RAVER1: variants seen among roughly 807,000 people sequenced by gnomAD.
RAVER1 encodes the protein ribonucleoprotein PTB-binding 1.
In RAVER1, 36 loss-of-function variants were observed where a neutral mutation model predicts 68.4. That is an observed-to-expected ratio of 0.53 (90% CI 0.40 to 0.70). RAVER1 has a LOEUF of 0.70. Ranked by LOEUF, RAVER1 falls within the 30% of genes least tolerant of loss-of-function variation. RAVER1 has a pLI of 0.00. For synonymous variants in RAVER1, 469 were observed against 472.7 expected, an observed-to-expected ratio of 0.99 and a Z score of 0.10; for missense variants, 933 against 1,019.8, an observed-to-expected ratio of 0.91 and a Z score of 1.16.
At chr19:10,331,780 T>A (rs2040520706) in intron 1 of RAVER1, among the ~76,000 whole-genome samples, 1 of 151,710 alleles carries the variant, frequency 6.6e-6, no homozygotes, top group Non-Finnish European at 1.5e-5. Context: ...CCAACAACTC[T>A]GTAAGTGAAG....
chr19:10,319,195 G>A lies in RAVER1; in HGVS notation c.1816C>T (p.Leu606Phe), dbSNP rs2040416181. The A allele has an allele frequency of 6.2e-7, 1 of 1,613,772 alleles. No homozygotes were observed. Among genetic ancestry groups the A allele is most frequent in the African/African-American group, 1.3e-5 (1 of 74,950 alleles). ...RLFSHPREPALGPHGPSRHKM... is the reference protein window; with the variant it reads ...RLFSHPREPAFGPHGPSRHKM... ...TGTCGGCTGGGTCCGTGAGGCCCAA[G>A]GGCTGGTTCCCGTGGGTGGGAGAAG... Residue 606 changes from leucine (L) to phenylalanine (F), a missense_variant, in exon 10 of 13, where the codon CTT (leucine) becomes TTT (phenylalanine). Around this residue, in one of 3 missense-constraint regions of RAVER1, gnomAD observed 699 missense variants for 731.1 expected, o/e 0.96. Coordinates refer to ENST00000617231, the MANE Select transcript of RAVER1 (RefSeq NM_133452.3).
intron 1 of RAVER1, among the ~76,000 whole-genome samples, chr19:10,331,363 A>AT (rs1269088987): frequency 4.1e-5 from 5 of 123,012 alleles, no homozygotes; most frequent in Non-Finnish European, 6.8e-5. Flanking sequence ...TCTCAAAAAA[A>AT]AAAAAAAAAA....
chr19:10,331,306 C>T (rs1327481624), intron 1 of RAVER1, among the ~76,000 whole-genome samples: 2 of 127,034 alleles, frequency 1.6e-5, no homozygotes, highest in Admixed American at 9.4e-5. Context: ...GCCGAGATTG[C>T]GCCACTGCAG....
chr19:10,324,822 C>T (rs936788889), intron 3 of RAVER1, among the ~76,000 whole-genome samples: 4 of 152,200 alleles, frequency 2.6e-5, no homozygotes, highest in Non-Finnish European at 4.4e-5. Context: ...TCAGCTGGGT[C>T]ACCTAACATT....
In RAVER1 at chr19:10,333,309, G is replaced by A. The variant is rs1379750454; in HGVS notation, c.199C>T (p.Pro67Ser). The A allele has an allele frequency of 6.2e-7, 1 of 1,613,626 alleles. No homozygotes were observed. The highest frequency in any genetic ancestry group is 8.5e-7 in the Non-Finnish European group (1 of 1,179,740). Reference sequence around the variant, plus strand: ...AATACCTGGTTGGTCACGTCCCCCGGGAGGCCCCGGATCAGTATCTTGCGG... The same window carrying A: ...AATACCTGGTTGGTCACGTCCCCCGAGAGGCCCCGGATCAGTATCTTGCGG... ...NRRKILIRGLPGDVTNQEVHD... is the reference protein window; with the variant it reads ...NRRKILIRGLSGDVTNQEVHD... The change falls in exon 1 of 13, where the codon CCG becomes TCG. Residue 67 changes from proline to serine, a missense_variant. By Grantham distance (74) the Pro-to-Ser change is moderately conservative. This residue lies in a region of RAVER1 where 211 missense variants were observed against 230.0 expected (regional missense o/e 0.92). Transcript: ENST00000617231. The surrounding 1 kb of genome is among the most constrained non-coding windows in gnomAD (Gnocchi z 4.2).
At position 10,318,362 on chromosome 19, in the gene RAVER1, G is replaced by A. The variant is rs550451618; in HGVS notation, c.1856C>T (p.Pro619Leu). The part of the protein sequence containing the change: ...HGPSRHKMSP[P>L]PSGFGERSSG... The stretch of plus-strand genomic sequence containing the variant: ...GCTCCGTTCGCCGAAGCCACTGGGC[G>A]GGGGGGACATCTGTAGAAGAAGGGC... The change falls in exon 11 of 13, where the codon CCG (proline) becomes CTG (leucine). Residue 619 changes from proline (P) to leucine (L), a missense_variant. Physicochemically the swap from Pro to Leu is moderately conservative, Grantham distance 98. This residue lies in a region of RAVER1 where 699 missense variants were observed against 731.1 expected (regional missense o/e 0.96). Coordinates refer to ENST00000617231, the MANE Select transcript of RAVER1 (RefSeq NM_133452.3). 39 of 1,591,732 alleles carry A rather than the reference G, an allele frequency of 2.5e-5. No individual in the cohort carries two copies. The highest frequency in any genetic ancestry group is 6.9e-5 in the East Asian group (3 of 43,620).
chr19:10,318,626 C>T (rs1309344707), intron 10 of RAVER1, among the ~76,000 whole-genome samples: 1 of 152,200 alleles, frequency 6.6e-6, no homozygotes, highest in African/African-American at 2.4e-5. Flanking sequence ...TCCCAAAGTG[C>T]TGGGATTACA....
At chr19:10,325,633 T>G (rs1415561159) in intron 3 of RAVER1, among the ~76,000 whole-genome samples, 2 of 152,118 alleles carry the variant, frequency 1.3e-5, no homozygotes, top group East Asian at 3.9e-4. Context: ...TGAGCCACTG[T>G]GCCCGGCCTC....
rs927715130 is a variant in RAVER1, at chr19:10,317,312, G to A, written c.*142C>T. On this transcript the variant is annotated 3_prime_UTR_variant, in exon 13 of 13. Coordinates refer to ENST00000617231, the MANE Select transcript of RAVER1 (RefSeq NM_133452.3). The surrounding 1 kb of genome is among the most constrained non-coding windows in gnomAD (Gnocchi z 4.3). Reference sequence around the variant, plus strand: ...ACACCCCTTGGGCTCCTGGGGCTCCGGCTGATTGGTCAGTAAAGTCTTTCA... The same window carrying A: ...ACACCCCTTGGGCTCCTGGGGCTCCAGCTGATTGGTCAGTAAAGTCTTTCA... 23 of 916,718 alleles carry A rather than the reference G, an allele frequency of 2.5e-5. No homozygotes were observed. Among genetic ancestry groups the A allele is most frequent in the Middle Eastern group, 2.5e-4 (1 of 4,068 alleles). 56.8% of individuals were successfully genotyped at this position (916,718 alleles called of 1,614,324 possible). A position where few individuals can be genotyped will look rare whatever the true frequency, so the allele number is the denominator to read the frequency against.
rs751963862 is a variant in RAVER1 at position 10,330,464 on chromosome 19, C to T, written c.282G>A (p.Gly94=). ...CCGCCCCATGGCCCCACAAACCTGT[C>T]CCTTTGTATTTGTCCACAAAACAGT... ...LKYCFVDKYK[G]TAFVTLLNGE... The change falls in exon 2 of 13, where the codon GGG becomes GGA. Residue 94 remains glycine (G), a synonymous_variant. Transcript: ENST00000617231. The T allele has an allele frequency of 6.7e-7, 1 of 1,497,888 alleles. No individual in the cohort carries two copies. Among genetic ancestry groups the T allele is most frequent in the South Asian group, 1.2e-5 (1 of 84,130 alleles). 92.8% of individuals were successfully genotyped at this position (1,497,888 alleles called of 1,614,324 possible).
Position 10,333,187 on chromosome 19 carries a change from C to T in RAVER1, c.219+102G>A. ...TGGATCCGGTGCTTGGGCGCCCCCG[C>T]CAACGACCCCCGCGCACCTCAGCGT... On this transcript the variant is annotated intron_variant, in intron 1 of 12. Transcript: ENST00000617231. The surrounding 1 kb of genome is among the most constrained non-coding windows in gnomAD (Gnocchi z 4.2). 2 of 1,231,692 alleles carry T rather than the reference C, an allele frequency of 1.6e-6. No individual in the cohort carries two copies. Among genetic ancestry groups the T allele is most frequent in the Admixed American group, 5.1e-5 (2 of 39,154 alleles). The allele number at this position is 1,231,692 out of a possible 1,614,324, so 76.3% of individuals were successfully genotyped here.
Position 10,333,436 on chromosome 19 carries a change from G to A in RAVER1, c.72C>T (p.Gly24=), listed in dbSNP as rs561755740. 5 of 1,613,056 alleles carry A rather than the reference G, an allele frequency of 3.1e-6. No homozygotes were observed. Among genetic ancestry groups the A allele is most frequent in the Admixed American group, 1.7e-5 (1 of 60,026 alleles). ...SPKSGAEVEA[G]DAAERRAPEE... ...CCGGCGCCCGGCGCTCCGCGGCATC[G>A]CCGGCTTCGACTTCGGCCCCAGACT... Residue 24 remains glycine, a synonymous_variant, in exon 1 of 13, where the codon GGC becomes GGT. Transcript: ENST00000617231. This position sits in a 1 kb window ranked among gnomAD's most constrained non-coding sequence, Gnocchi z 4.2.
Position 10,321,230 on chromosome 19 carries a change from G to T in RAVER1, c.1291C>A (p.Arg431=). ...GGGLPPELPP[R]RGKPPPLLPS... is the part of the protein sequence containing the mutation. ...AGCAGGGGTGGTGGCTTCCCTCGCC[G>T]GGGCGGCAGCTCCGGGGGCAGGCCC... is the stretch of plus-strand genomic sequence containing the variant. Residue 431 remains arginine, a synonymous_variant, in exon 8 of 13, where the codon CGG becomes AGG. Coordinates refer to ENST00000617231, the MANE Select transcript of RAVER1 (RefSeq NM_133452.3). 1 of 1,271,702 alleles carries T rather than the reference G, an allele frequency of 7.9e-7. No individual in the cohort carries two copies. Among genetic ancestry groups the T allele is most frequent in the South Asian group, 3.2e-5 (1 of 31,336 alleles). The allele number at this position is 1,271,702 out of a possible 1,614,324, so 78.8% of individuals were successfully genotyped here.
rs2040386762 is a variant in RAVER1, at chr19:10,316,269, C to G, written c.*1185G>C. On this transcript the variant is annotated 3_prime_UTR_variant, in exon 13 of 13. Transcript: ENST00000617231. The stretch of plus-strand genomic sequence containing the variant: ...TTCAGCAAAGGTCCGTGTGGGGAGA[C>G]TGGGGTGGGGTCGGGGGAATAGTCC... 3.1e-6 allele frequency: 4 copies of G among 1,292,916 alleles called. No homozygotes were observed. The highest frequency in any genetic ancestry group is 3.9e-6 in the Non-Finnish European group (4 of 1,021,912). The allele number at this position is 1,292,916 out of a possible 1,614,324, so 80.1% of individuals were successfully genotyped here.
At position 10,333,471 on chromosome 19, in the gene RAVER1, G is replaced by A. The variant is rs1406777561; in HGVS notation, c.37C>T (p.Leu13=). 6.2e-7 allele frequency: 1 copy of A among 1,610,404 alleles called. No homozygotes were observed. Among genetic ancestry groups the A allele is most frequent in the Admixed American group, 1.7e-5 (1 of 59,958 alleles). Residue 13 remains leucine (L), a synonymous_variant, in exon 1 of 13, where the codon CTG becomes TTG. Coordinates refer to ENST00000617231, the MANE Select transcript of RAVER1 (RefSeq NM_133452.3). This position sits in a 1 kb window ranked among gnomAD's most constrained non-coding sequence, Gnocchi z 4.2. ...ADVSVTHRPP[L]SPKSGAEVEA... ...ACTTCGGCCCCAGACTTAGGGCTCA[G>A]CGGGGGCCGGTGAGTAACGGACACG...
rs1292076344 is a variant in RAVER1 at position 10,322,870 on chromosome 19, T to C, written c.1079-131A>G. 9 of 572,186 alleles carry C rather than the reference T, an allele frequency of 1.6e-5. No homozygotes were observed. Among genetic ancestry groups the C allele is most frequent in the Admixed American group, 7.6e-5 (2 of 26,202 alleles). 35.4% of individuals were successfully genotyped at this position (572,186 alleles called of 1,614,324 possible). A position where few individuals can be genotyped will look rare whatever the true frequency, so the allele number is the denominator to read the frequency against. On this transcript the variant is annotated intron_variant, in intron 5 of 12. Coordinates refer to ENST00000617231, the MANE Select transcript of RAVER1 (RefSeq NM_133452.3). This position sits in a 1 kb window ranked among gnomAD's most constrained non-coding sequence, Gnocchi z 4.3. ...GGGGCCGGGGGGTGGGCAGTGGACT[T>C]GCCCAAAGGAAGGGCCTAGAAGGGG...
chr19:10,328,024 C>T lies in RAVER1; in HGVS notation c.756+618G>A, dbSNP rs1235265889. Among the ~76,000 whole-genome samples the T allele has an allele frequency of 6.6e-6, 1 of 152,172 alleles. No individual in the cohort carries two copies. The highest frequency in any genetic ancestry group is 1.5e-5 in the Non-Finnish European group (1 of 68,024). Reference sequence around the variant, plus strand: ...TGCAGATCAGAGAGCCAGTGACTGGCCCGAGCTCGAGGGCGGGGCTGGGAT... The same window carrying T: ...TGCAGATCAGAGAGCCAGTGACTGGTCCGAGCTCGAGGGCGGGGCTGGGAT... On this transcript the variant is annotated intron_variant, in intron 3 of 12. Transcript: ENST00000617231. This position sits in a 1 kb window ranked among gnomAD's most constrained non-coding sequence, Gnocchi z 4.4.
At position 10,316,412 on chromosome 19, in the gene RAVER1, G is replaced by GTT; in HGVS notation, c.*1040_*1041dup. 9.7e-7 allele frequency: 1 copy of GTT among 1,029,072 alleles called. No homozygotes were observed. The allele number at this position is 1,029,072 out of a possible 1,614,324, so 63.7% of individuals were successfully genotyped here. On this transcript the variant is annotated 3_prime_UTR_variant, in exon 13 of 13. Transcript: ENST00000617231. The stretch of plus-strand genomic sequence containing the variant: ...GGTCCTGCTGGTGGGCGGGCCCAGA[G>GTT]TTTATCTTCATGGAGTGCTGGTTTC...
In RAVER1 at chr19:10,323,097, T is replaced by C. The variant is rs2145073044; in HGVS notation, c.1078+48A>G. The C allele has an allele frequency of 1.4e-6, 2 of 1,452,172 alleles. No homozygotes were observed. The highest frequency in any genetic ancestry group is 1.8e-6 in the Non-Finnish European group (2 of 1,082,462). The allele number at this position is 1,452,172 out of a possible 1,614,324, so 90.0% of individuals were successfully genotyped here. On this transcript the variant is annotated intron_variant, in intron 5 of 12. Transcript: ENST00000617231. This position sits in a 1 kb window ranked among gnomAD's most constrained non-coding sequence, Gnocchi z 6.2. ...TTTCGGGAAGTGCCGGGGGCAGCGC[T>C]GCAGCCCCTGTTCTGCACAGTGGGG... is the stretch of plus-strand genomic sequence containing the variant.
Sources: gnomAD v4.1 joint callset for allele counts (sites outside exome capture counted in the v4.1 genomes callset) on GRCh38, gnomAD v4.1.1 for gene constraint, gnomAD v4.1.1 regional missense constraint, Gnocchi (gnomAD v3.1) non-coding constraint, MANE v1.5 for transcripts, NCBI Gene and HGNC (gene_info 2026-07-23, HGNC 2026-07-21) for gene names.